RHBDF2: variants seen among roughly 807,000 people sequenced by gnomAD.
RHBDF2 encodes inactive rhomboid protein 2.
A neutral mutation model predicts 95.2 loss-of-function variants in RHBDF2; 38 were observed. The ratio of observed to expected loss-of-function variants is 0.40; its 90% CI spans 0.31 to 0.52. RHBDF2 has a LOEUF of 0.52. Among genes scored for constraint, RHBDF2 ranks in the 20% least tolerant of loss-of-function variants. The pLI, the probability that RHBDF2 is intolerant of heterozygous loss-of-function variation, is 0.56. For synonymous variants in RHBDF2, 442 were observed against 462.0 expected (o/e 0.96, Z 0.55); for missense variants, 863 against 1,137.7 (o/e 0.76, Z 3.47).
rs772067826 is a variant in RHBDF2 at position 76,473,796 on chromosome 17, C to T, written c.1638+43G>A. The T allele has an allele frequency of 2.0e-5, 33 of 1,612,262 alleles. 1 individual carries two copies. The Admixed American group carries it at 5.0e-4, about 24-fold the overall frequency. Reference sequence around the variant, plus strand: ...TGGGCTGTGCAGCAGGCAGGTCCCCCATCCCTGACCTTCCCAGACCACTCC... The same window carrying T: ...TGGGCTGTGCAGCAGGCAGGTCCCCTATCCCTGACCTTCCCAGACCACTCC... On this transcript the variant is annotated intron_variant, in intron 14 of 18. Coordinates refer to ENST00000675367, the MANE Select transcript of RHBDF2 (RefSeq NM_001005498.4).
chr17:76,480,846 C>T (rs191966499), intron 3 of RHBDF2, among the ~76,000 whole-genome samples: 92 of 152,310 alleles, frequency 6.0e-4, no homozygotes, highest in African/African-American at 2.1e-3. Flanking sequence ...GCGTTAACAT[C>T]GCTTCCCTTT....
chr17:76,480,007 ATGTGTGTGTGTG>A (rs138608987), intron 3 of RHBDF2, 153 bp from the exon 4 acceptor site: 6,282 of 300,660 alleles, frequency 0.021, no homozygotes, highest in East Asian at 0.051. Flanking sequence ...TATATATATA[ATGTGTGTGTGTG>A]TGTGTGTGTG....
At chr17:76,481,270 G>T in intron 3 of RHBDF2, 105 bp downstream of exon 3, 1 of 1,316,530 alleles carries the variant, frequency 7.6e-7, no homozygotes, top group Non-Finnish European at 1.0e-6. Flanking sequence ...AGCAGCTGTG[G>T]CTCAGGAAGG....
At chr17:76,474,175 C>A in intron 12 of RHBDF2, 33 bp from the exon 13 acceptor site, 1 of 1,486,182 alleles carries the variant, frequency 6.7e-7, no homozygotes, top group Non-Finnish European at 9.1e-7. Flanking sequence ...TGGGTCATGT[C>A]GGGGCCAGGT....
At position 76,473,317 on chromosome 17, in the gene RHBDF2, T is replaced by C. The variant is rs1181626125; in HGVS notation, c.1744A>G (p.Thr582Ala). Residue 582 changes from threonine to alanine, a missense_variant, in exon 16 of 19, where the codon ACC (threonine) becomes GCC (alanine). This residue lies in a region of RHBDF2 where 252 missense variants were observed against 412.2 expected (regional missense o/e 0.61). Coordinates refer to ENST00000675367, the MANE Select transcript of RHBDF2 (RefSeq NM_001005498.4). ...CIGTKGSCEI[T>A]TREYCEFMHG... ...ATGAACTCACAGTATTCCCGGGTGGTGATCTCACAGCTAAGGGGGTGGTGA... is the reference window on the plus strand; with the variant it reads ...ATGAACTCACAGTATTCCCGGGTGGCGATCTCACAGCTAAGGGGGTGGTGA... The C allele has an allele frequency of 2.5e-6, 4 of 1,611,788 alleles. No individual in the cohort carries two copies. Among genetic ancestry groups the C allele is most frequent in the Non-Finnish European group, 3.4e-6 (4 of 1,178,866 alleles).
chr17:76,499,546 GCCCACT>G (rs2074524483), intron 1 of RHBDF2, among the ~76,000 whole-genome samples: 1 of 152,170 alleles, frequency 6.6e-6, no homozygotes, highest in African/African-American at 2.4e-5. Context: ...CAGCAGCTGG[GCCCACT>G]CCAGGGCTCG....
chr17:76,478,158 T>C (rs2073832986), intron 6 of RHBDF2, among the ~76,000 whole-genome samples: 1 of 152,164 alleles, frequency 6.6e-6, no homozygotes, highest in African/African-American at 2.4e-5. Flanking sequence ...TGGCACGGAA[T>C]ACCAGGTCCC....
chr17:76,478,889 G>A lies in RHBDF2; in HGVS notation c.589C>T (p.Arg197Cys), dbSNP rs760122606. ...VLSLTSFTSVRSGYSHLPRRK... is the reference protein window; with the variant it reads ...VLSLTSFTSVCSGYSHLPRRK... ...CGTGGCAGGTGGGAGTAGCCAGAAC[G>A]GACACTGGTGAAGGAGGTGAGGGAC... is the stretch of plus-strand genomic sequence containing the variant. Residue 197 changes from arginine (R) to cysteine (C), a missense_variant, in exon 6 of 19, where the codon CGT (arginine) becomes TGT (cysteine). Physicochemically the swap from Arg to Cys is radical, Grantham distance 180. Coordinates refer to ENST00000675367, the MANE Select transcript of RHBDF2 (RefSeq NM_001005498.4). 8.1e-6 allele frequency: 13 copies of A among 1,612,406 alleles called. No individual in the cohort carries two copies. The highest frequency in any genetic ancestry group is 2.2e-5 in the East Asian group (1 of 44,890).
chr17:76,478,923 G>C lies in RHBDF2; in HGVS notation c.555C>G (p.Pro185=), dbSNP rs368905228. Residue 185 remains proline (P), a synonymous_variant, in exon 6 of 19, where the codon CCC becomes CCG. Transcript: ENST00000675367. ...RPHAPHPPLT[P]GVLSLTSFTS... is the part of the protein sequence containing the mutation. ...TGAAGGAGGTGAGGGACAGGACTCCGGGGGTCAGCGGTGGGTGCGGGGCGT... is the reference window on the plus strand; with the variant it reads ...TGAAGGAGGTGAGGGACAGGACTCCCGGGGTCAGCGGTGGGTGCGGGGCGT... The C allele has an allele frequency of 2.5e-6, 4 of 1,606,490 alleles. No individual in the cohort carries two copies. The highest frequency in any genetic ancestry group is 3.4e-6 in the Non-Finnish European group (4 of 1,176,094).
chr17:76,479,573 T>A, intron 4 of RHBDF2, 160 bp downstream of exon 4: 2 of 726,868 alleles, frequency 2.8e-6, no homozygotes, highest in Non-Finnish European at 4.8e-6. Flanking sequence ...CATTTCCCCA[T>A]CTATACCATG....
chr17:76,489,399 C>T (rs1326441340), intron 1 of RHBDF2, among the ~76,000 whole-genome samples: 1 of 150,776 alleles, frequency 6.6e-6, no homozygotes, highest in Non-Finnish European at 1.5e-5. Flanking sequence ...TCTCAGCTCC[C>T]TTCAAGCACC....
rs748243976 is a variant in RHBDF2, at chr17:76,473,662, G to A, written c.1719C>T (p.Ile573=). 2.5e-5 allele frequency: 41 copies of A among 1,609,118 alleles called. No homozygotes were observed. The highest frequency in any genetic ancestry group is 4.4e-5 in the South Asian group (4 of 90,316). The part of the protein sequence containing the change: ...DCEIKGRPCC[I]GTKGSCEITT... ...AGGTCGCTCACCTGCCCTTGGTGCC[G>A]ATGCAGCAGGGGCGGCCCTTGATCT... Residue 573 remains isoleucine (I), a synonymous_variant, in exon 15 of 19, where the codon ATC becomes ATT. Coordinates refer to ENST00000675367, the MANE Select transcript of RHBDF2 (RefSeq NM_001005498.4).
intron 2 of RHBDF2, chr17:76,481,914 G>A (rs1890194200): frequency 1.6e-5 from 3 of 185,008 alleles, no homozygotes; most frequent in South Asian, 1.1e-4. Flanking sequence ...TCGCGCCACT[G>A]CACTCCAGCC....
intron 8 of RHBDF2, 48 bp from the exon 9 acceptor site, chr17:76,477,072 C>G (rs1279588089): frequency 1.2e-6 from 2 of 1,611,436 alleles, no homozygotes; most frequent in East Asian, 4.5e-5. Context: ...CAAAATACTC[C>G]CAGACCCCAC....
rs1322321337 is a variant in RHBDF2 at position 76,474,238 on chromosome 17, C to T, written c.1465-96G>A. ...AGGCTTTTCCCATCTCCCCAGGGCT[C>T]AGTCTCATCTATGGGGGTCTGGGAA... On this transcript the variant is annotated intron_variant, in intron 12 of 18. Coordinates refer to ENST00000675367, the MANE Select transcript of RHBDF2 (RefSeq NM_001005498.4). 3 of 1,334,396 alleles carry T rather than the reference C, an allele frequency of 2.2e-6. No individual in the cohort carries two copies. The East Asian group carries it at 6.9e-5, about 31-fold the overall frequency. The allele number at this position is 1,334,396 out of a possible 1,614,324, so 82.7% of individuals were successfully genotyped here.
chr17:76,472,406 TACCGC>T, intron 18 of RHBDF2: 1 of 580,498 alleles, frequency 1.7e-6, no homozygotes, highest in Non-Finnish European at 3.1e-6. Context: ...GGCCATTTCC[TACCGC>T]TCGACCTGCA....
intron 6 of RHBDF2, 123 bp downstream of exon 6, chr17:76,478,683 T>C (rs1306042267): frequency 2.4e-6 from 2 of 818,410 alleles, no homozygotes; most frequent in Non-Finnish European, 1.9e-6. Flanking sequence ...ACATCCACTG[T>C]CCTTGGCACC....
Position 76,479,435 on chromosome 17 carries a change from T to C in RHBDF2, c.273-158A>G, listed in dbSNP as rs981082630. On this transcript the variant is annotated intron_variant, in intron 4 of 18. Transcript: ENST00000675367. ...CCCTGGCTGGAGCCCAGTGACCAGA[T>C]GAGCAGAAGCAGGGGATGACGGGAG... 9 of 1,090,952 alleles carry C rather than the reference T, an allele frequency of 8.2e-6. No individual in the cohort carries two copies. The East Asian group carries it at 2.1e-4, about 25-fold the overall frequency. The allele number at this position is 1,090,952 out of a possible 1,614,324, so 67.6% of individuals were successfully genotyped here. A position where few individuals can be genotyped will look rare whatever the true frequency, so the allele number is the denominator to read the frequency against.
rs374902969 is a variant in RHBDF2, at chr17:76,473,241, C to T, written c.1809+11G>A. The T allele has an allele frequency of 3.7e-6, 6 of 1,610,918 alleles. No homozygotes were observed. Among genetic ancestry groups the T allele is most frequent in the Non-Finnish European group, 5.1e-6 (6 of 1,178,180 alleles). On this transcript the variant is annotated intron_variant, in intron 16 of 18. Transcript: ENST00000675367. ...CCTCTCCTCCACTACTCCAGGCCTG[C>T]CTCGCCTCACCTGGGAGCAGAGTGT...
Sources: allele counts gnomAD v4.1 joint callset (sites outside exome capture counted in the v4.1 genomes callset), GRCh38; gene constraint gnomAD v4.1.1; regional missense constraint gnomAD v4.1.1; transcripts MANE v1.5; gene names NCBI Gene and HGNC (gene_info 2026-07-23, HGNC 2026-07-21).